Variants in POLB observed in about 807,000 individuals in gnomAD.
The protein encoded by POLB is 5'-dRP lyase.
POLB carries 37 observed loss-of-function variants against 52.7 expected under a neutral mutation model. The observed-to-expected ratio is 0.70, with a 90% CI of 0.54 to 0.92. POLB has a LOEUF of 0.92. Ranked by LOEUF, POLB falls within the 40% of genes least tolerant of loss-of-function variation. POLB has a pLI of 0.00. For synonymous variants in POLB, 138 were observed against 131.3 expected, an observed-to-expected ratio of 1.05 and a Z score of -0.35; for missense variants, 313 against 400.8, an observed-to-expected ratio of 0.78 and a Z score of 1.87.
At chr8:42,361,514 G>A in intron 10 of POLB, 149 bp downstream of exon 10, 1 of 629,000 alleles carries the variant, frequency 1.6e-6, no homozygotes, top group South Asian at 1.9e-5. Flanking sequence ...TTCTGCGAAA[G>A]GCAAATTTCT....
rs111275175 is a variant in POLB at position 42,364,601 on chromosome 8, C to T, written c.708+1903C>T. Among the ~76,000 whole-genome samples the T allele has an allele frequency of 1.2e-4, 18 of 152,278 alleles. 2 individuals carry two copies. Among genetic ancestry groups the T allele is most frequent in the African/African-American group, 4.3e-4 (18 of 41,536 alleles). ...CATTCGAGTCCATTTTCTCAACACC[C>T]CACTTTTCCCGGGTGATATGACTGA... On this transcript the variant is annotated intron_variant, in intron 11 of 13. Coordinates refer to ENST00000265421, the MANE Select transcript of POLB (RefSeq NM_002690.3).
chr8:42,351,446 T>C (rs3136749), intron 5 of POLB, among the ~76,000 whole-genome samples: 5,375 of 152,330 alleles, frequency 0.035, 112 homozygotes, highest in Non-Finnish European at 0.04. Context: ...TTTATATGTG[T>C]GTGTATGCAT....
chr8:42,342,050 A>G, intron 2 of POLB: 2 of 842,784 alleles, frequency 2.4e-6, no homozygotes, highest in Non-Finnish European at 2.0e-6. Flanking sequence ...ATTCTGGCCT[A>G]TGTTGTGCTT....
chr8:42,345,237 A>G (rs770478325), intron 3 of POLB, among the ~76,000 whole-genome samples: 2 of 152,232 alleles, frequency 1.3e-5, no homozygotes, highest in Non-Finnish European at 2.9e-5. Flanking sequence ...TTTTAAAAAT[A>G]TATGTAATTA....
intron 11 of POLB, chr8:42,369,020 T>C: frequency 3.4e-6 from 1 of 298,214 alleles, no homozygotes; most frequent in Admixed American, 5.1e-5. Flanking sequence ...AGTTTCTTGC[T>C]TAGAATCACA....
At chr8:42,344,769 C>T (rs1456120632) in intron 2 of POLB, among the ~76,000 whole-genome samples, 184 bp from the exon 3 acceptor site, 1 of 150,750 alleles carries the variant, frequency 6.6e-6, no homozygotes, top group African/African-American at 2.4e-5. Context: ...GAGCTGAGAT[C>T]GCGCTGCTGC....
At chr8:42,352,466 T>TA (rs1204388728) in intron 5 of POLB, 53 bp from the exon 6 acceptor site, 14 of 1,147,642 alleles carry the variant, frequency 1.2e-5, no homozygotes, top group Non-Finnish European at 1.7e-5. Flanking sequence ...ACATGGTTGT[T>TA]ACAAGGATCC....
intron 4 of POLB, chr8:42,349,309 G>T: frequency 1.0e-5 from 4 of 396,976 alleles, no homozygotes; most frequent in Non-Finnish European, 1.8e-5. Flanking sequence ...TAATAGAGTT[G>T]GCTCATCGTT....
intron 2 of POLB, among the ~76,000 whole-genome samples, chr8:42,343,783 G>A (rs748188687): frequency 4.6e-5 from 7 of 152,158 alleles, no homozygotes; most frequent in East Asian, 3.9e-4. Flanking sequence ...ACTCTTTGAC[G>A]TATAGAGTTT....
At chr8:42,353,838 A>C (rs532757290) in intron 6 of POLB, among the ~76,000 whole-genome samples, 86 of 152,210 alleles carry the variant, frequency 5.7e-4, no homozygotes, top group South Asian at 1.4e-3. Context: ...TCGTACAATT[A>C]AATGCAATAA....
intron 5 of POLB, among the ~76,000 whole-genome samples, chr8:42,351,155 G>A (rs1166648862): frequency 6.6e-6 from 1 of 152,150 alleles, no homozygotes; most frequent in East Asian, 1.9e-4. Flanking sequence ...GATTATAGGT[G>A]TGAACCACAA....
At position 42,357,686 on chromosome 8, in the gene POLB, A is replaced by G. The variant is rs1000243697; in HGVS notation, c.550+294A>G. 2.5e-5 allele frequency: 7 copies of G among 282,646 alleles called. No homozygotes were observed. The Admixed American group carries it at 2.6e-4, about 11-fold the overall frequency. The allele number at this position is 282,646 out of a possible 1,614,324, so 17.5% of individuals were successfully genotyped here. On this transcript the variant is annotated intron_variant, in intron 9 of 13. Coordinates refer to ENST00000265421, the MANE Select transcript of POLB (RefSeq NM_002690.3). ...GTCTTTGGCCTTTTGGCTGGATGAT[A>G]GTGAAGTTGTGGGTAGTTTTGTTAA...
chr8:42,344,822 A>C (rs1822507519), intron 2 of POLB, 131 bp from the exon 3 acceptor site: 4 of 639,606 alleles, frequency 6.3e-6, no homozygotes, highest in South Asian at 3.8e-5. Flanking sequence ...AAAAAAAACA[A>C]AAAAAAAGAA....
intron 3 of POLB, among the ~76,000 whole-genome samples, chr8:42,347,471 C>T (rs1238538782): frequency 1.3e-5 from 2 of 150,374 alleles, no homozygotes; most frequent in Non-Finnish European, 3.0e-5. Flanking sequence ...TAATCTATTC[C>T]TTCTTAGTAA....
At chr8:42,369,031 C>T in intron 11 of POLB, 3 of 320,370 alleles carry the variant, frequency 9.4e-6, no homozygotes, top group Non-Finnish European at 1.7e-5. Flanking sequence ...TAGAATCACA[C>T]AAAGACCAAA....
chr8:42,359,955 C>G (rs1563402963), intron 9 of POLB, among the ~76,000 whole-genome samples: 1 of 146,124 alleles, frequency 6.8e-6, no homozygotes, highest in Non-Finnish European at 1.5e-5. Context: ...TTCTTTTTTT[C>G]TTTTTTTTTT....
chr8:42,371,280 C>T (rs1025795336), intron 13 of POLB, among the ~76,000 whole-genome samples: 4 of 152,168 alleles, frequency 2.6e-5, no homozygotes, highest in South Asian at 2.1e-4. Context: ...TGAGCTACCA[C>T]GCCTGGCTAA....
chr8:42,340,582 G>A (rs1287748154), intron 2 of POLB, among the ~76,000 whole-genome samples: 1 of 152,222 alleles, frequency 6.6e-6, no homozygotes, highest in East Asian at 1.9e-4. Context: ...GTTCCGGGGA[G>A]TCTGCCTGCC....
chr8:42,369,578 G>A (rs1824250691), intron 12 of POLB: 1 of 520,788 alleles, frequency 1.9e-6, no homozygotes, highest in Non-Finnish European at 3.4e-6. Context: ...CAGCTCAAAA[G>A]TCATTTCCTG....
Sources: allele counts gnomAD v4.1 joint callset (sites outside exome capture counted in the v4.1 genomes callset), GRCh38; gene constraint gnomAD v4.1.1; transcripts MANE v1.5; gene names NCBI Gene and HGNC (gene_info 2026-07-23, HGNC 2026-07-21).